Variants in MTUS1 observed in about 807,000 individuals in gnomAD.
MTUS1 encodes microtubule associated scaffold protein 1.
A neutral mutation model predicts 120.8 loss-of-function variants in MTUS1; 109 were observed. That is an observed-to-expected ratio of 0.90 (90% CI 0.77 to 1.06). The LOEUF (loss-of-function observed/expected upper bound fraction) is 1.06, where lower values mean the gene tolerates loss of function less well. MTUS1 is among the 50% of genes least tolerant of loss of function. The probability of loss-of-function intolerance (pLI) is 0.00; values close to 1 mark genes in which losing one functional copy is unlikely to be tolerated. For synonymous variants in MTUS1, 737 were observed against 550.5 expected, an observed-to-expected ratio of 1.34 and a Z score of -4.74; for missense variants, 2,210 against 1,486.3, an observed-to-expected ratio of 1.49 and a Z score of -8.01.
At chr8:17,698,575 A>C (rs1818423962) in intron 6 of MTUS1, among the ~76,000 whole-genome samples, 1 of 152,240 alleles carries the variant, frequency 6.6e-6, no homozygotes, top group Non-Finnish European at 1.5e-5. Context: ...TAAGACTCAG[A>C]AATAAATGCA....
intron 6 of MTUS1, among the ~76,000 whole-genome samples, chr8:17,694,554 G>A (rs1351359770): frequency 6.6e-6 from 1 of 152,040 alleles, no homozygotes; most frequent in African/African-American, 2.4e-5. Flanking sequence ...TGTAATCCCA[G>A]CTACTCGGGA....
At chr8:17,683,074 C>A (rs1814933994) in intron 7 of MTUS1, among the ~76,000 whole-genome samples, 1 of 152,126 alleles carries the variant, frequency 6.6e-6, no homozygotes, top group Non-Finnish European at 1.5e-5. Context: ...AGATCGAGAC[C>A]ATCCTGCCTA....
rs571093182 is a variant in MTUS1, at chr8:17,779,667, G to A, written c.-155+21394C>T. 8.2e-4 allele frequency among the ~76,000 whole-genome samples: 125 copies of A among 152,186 alleles called. 1 individual carries two copies. Among genetic ancestry groups the A allele is most frequent in the African/African-American group, 2.8e-3 (116 of 41,522 alleles). ...AATACGGGAATCAACCTTAAAGAAG[G>A]CCCCCTTCACTTGGCTTCAGAGGCC... On this transcript the variant is annotated intron_variant, in intron 1 of 14. Transcript: ENST00000693296.
At position 17,754,076 on chromosome 8, in the gene MTUS1, G is replaced by C. The variant is rs2048402530; in HGVS notation, c.1732C>G (p.Gln578Glu). ...EILINKTHKQ[Q>E]FNKLITSQAV... ...TGGCTAGTAATGAGTTTATTAAACT[G>C]CTGCTTATGTGTCTTGTTAATTAGA... Residue 578 changes from glutamine to glutamate, a missense_variant, in exon 2 of 15, where the codon CAG becomes GAG. Transcript: ENST00000693296. 6.2e-7 allele frequency: 1 copy of C among 1,613,852 alleles called. No homozygotes were observed. Among genetic ancestry groups the C allele is most frequent in the African/African-American group, 1.3e-5 (1 of 74,844 alleles).
In MTUS1 at chr8:17,780,817, T is replaced by A. The variant is rs424172; in HGVS notation, c.-155+20244A>T. 7.0e-4 allele frequency: 106 copies of A among 151,710 alleles called. 1 individual carries two copies. The highest frequency in any genetic ancestry group is 2.4e-3 in the African/African-American group (98 of 41,220). 9.4% of individuals were successfully genotyped at this position (151,710 alleles called of 1,614,324 possible). Reference sequence around the variant, plus strand: ...GTCCAAGCCTTCTAATGGCCTCCTATCACATCTAATACAAAAAAGGGACCC... The same window carrying A: ...GTCCAAGCCTTCTAATGGCCTCCTAACACATCTAATACAAAAAAGGGACCC... On this transcript the variant is annotated intron_variant, in intron 1 of 14. Coordinates refer to ENST00000693296, the MANE Select transcript of MTUS1 (RefSeq NM_001363059.2).
intron 1 of MTUS1, among the ~76,000 whole-genome samples, chr8:17,800,182 C>G (rs929860987): frequency 1.3e-5 from 2 of 152,068 alleles, no homozygotes; most frequent in Middle Eastern, 3.2e-3. Context: ...TTTTAATCCC[C>G]TCCCTCCTGC....
intron 2 of MTUS1, among the ~76,000 whole-genome samples, chr8:17,753,168 T>C (rs370302910): frequency 1.6e-4 from 24 of 152,294 alleles, no homozygotes; most frequent in African/African-American, 5.5e-4. Flanking sequence ...CCTTTCATCT[T>C]TGGGTCTCGA....
At chr8:17,769,232 CTT>C (rs35061390) in intron 1 of MTUS1, among the ~76,000 whole-genome samples, 1,356 of 131,230 alleles carry the variant, frequency 0.01, 34 homozygotes, top group African/African-American at 0.035. Flanking sequence ...GCTTTTATTC[CTT>C]TTTTTTTTTT....
intron 3 of MTUS1, among the ~76,000 whole-genome samples, chr8:17,732,447 G>C (rs1586025890): frequency 6.6e-6 from 1 of 152,276 alleles, no homozygotes; most frequent in African/African-American, 2.4e-5. Context: ...GTTCCTTCTT[G>C]ACTCTGGAGA....
At chr8:17,701,197 C>A (rs528490768) in intron 6 of MTUS1, among the ~76,000 whole-genome samples, 10 of 152,298 alleles carry the variant, frequency 6.6e-5, no homozygotes, top group African/African-American at 2.4e-4. Context: ...TATCTCCTTA[C>A]TTTCCCTAAC....
At chr8:17,764,440 T>G (rs985823596) in intron 1 of MTUS1, among the ~76,000 whole-genome samples, 2 of 151,928 alleles carry the variant, frequency 1.3e-5, no homozygotes, top group African/African-American at 4.8e-5. Flanking sequence ...TACCTGCAAT[T>G]TTATGAAAGA....
Position 17,754,427 on chromosome 8 carries a change from G to A in MTUS1, c.1381C>T (p.Leu461Phe), listed in dbSNP as rs1356459471. 2 of 1,614,018 alleles carry A rather than the reference G, an allele frequency of 1.2e-6. No individual in the cohort carries two copies. Among genetic ancestry groups the A allele is most frequent in the Non-Finnish European group, 1.7e-6 (2 of 1,180,026 alleles). Residue 461 changes from leucine to phenylalanine, a missense_variant, in exon 2 of 15, where the codon CTT (leucine) becomes TTT (phenylalanine). Coordinates refer to ENST00000693296, the MANE Select transcript of MTUS1 (RefSeq NM_001363059.2). ...CKKVEKGNRGLKNIPDSKEAP... is the reference protein window; with the variant it reads ...CKKVEKGNRGFKNIPDSKEAP... Reference sequence around the variant, plus strand: ...TCCTTCGAGTCTGGTATGTTTTTAAGCCCTCGATTACCCTTCTCCACTTTC... The same window carrying A: ...TCCTTCGAGTCTGGTATGTTTTTAAACCCTCGATTACCCTTCTCCACTTTC...
At chr8:17,758,245 G>A (rs959741292) in intron 1 of MTUS1, 2 of 152,130 alleles carry the variant, frequency 1.3e-5, no homozygotes, top group African/African-American at 4.8e-5. Context: ...AAACTGAAAC[G>A]ATCAGTTTTC....
intron 4 of MTUS1, chr8:17,722,136 G>C: frequency 4.1e-6 from 5 of 1,215,386 alleles, no homozygotes; most frequent in Non-Finnish European, 5.1e-6. Context: ...GGCTCTGTGG[G>C]TGTATGGTAA....
intron 8 of MTUS1, among the ~76,000 whole-genome samples, chr8:17,673,742 A>G (rs966893113): frequency 6.6e-6 from 1 of 152,262 alleles, no homozygotes; most frequent in South Asian, 2.1e-4. Flanking sequence ...GGTGTGAGCT[A>G]CCACACCCAG....
intron 5 of MTUS1, 148 bp from the exon 6 acceptor site, chr8:17,713,400 C>T: frequency 1.7e-6 from 1 of 586,442 alleles, no homozygotes; most frequent in Non-Finnish European, 3.0e-6. Flanking sequence ...ATTCAACCAA[C>T]TTTTGTCAAG....
At chr8:17,648,706 C>G (rs1341764172) in intron 13 of MTUS1, among the ~76,000 whole-genome samples, 2 of 152,212 alleles carry the variant, frequency 1.3e-5, no homozygotes, top group African/African-American at 4.8e-5. Context: ...AAACCAAACG[C>G]CAAACCAACA....
At chr8:17,699,275 T>A (rs923316405) in intron 6 of MTUS1, among the ~76,000 whole-genome samples, 1 of 152,222 alleles carries the variant, frequency 6.6e-6, no homozygotes, top group Non-Finnish European at 1.5e-5. Flanking sequence ...TGGAGTGTAA[T>A]GGCGCAGTCT....
At chr8:17,698,170 A>T (rs2130887583) in intron 6 of MTUS1, among the ~76,000 whole-genome samples, 1 of 152,360 alleles carries the variant, frequency 6.6e-6, no homozygotes, top group Middle Eastern at 3.4e-3. Context: ...ATGTAATATC[A>T]GAGTTCCAGA....
Sources: gnomAD v4.1 joint callset for allele counts (sites outside exome capture counted in the v4.1 genomes callset) on GRCh38, gnomAD v4.1.1 for gene constraint, MANE v1.5 for transcripts, NCBI Gene and HGNC (gene_info 2026-07-23, HGNC 2026-07-21) for gene names.